The following ADAMTS19 variants were observed in gnomAD, a reference collection of about 807,000 sequenced individuals.
ADAMTS19 encodes A disintegrin and metalloproteinase with thrombospondin motifs 19.
ADAMTS19 carries 93 observed loss-of-function variants against 153.3 expected under a neutral mutation model. The observed-to-expected ratio is 0.61, with a 90% CI of 0.51 to 0.72. The LOEUF (loss-of-function observed/expected upper bound fraction) is 0.72. Ranked by LOEUF, ADAMTS19 falls within the 30% of genes least tolerant of loss-of-function variation. The probability of loss-of-function intolerance (pLI) is 0.00; values close to 1 mark genes in which losing one functional copy is unlikely to be tolerated. For synonymous variants in ADAMTS19, 600 were observed against 556.6 expected, an observed-to-expected ratio of 1.08 and a Z score of -1.10; for missense variants, 1,482 against 1,552.1, an observed-to-expected ratio of 0.95 and a Z score of 0.76.
intron 6 of ADAMTS19, among the ~76,000 whole-genome samples, chr5:129,530,014 A>G (rs73246878): frequency 0.019 from 2,865 of 152,206 alleles, 86 homozygotes; most frequent in African/African-American, 0.066. Flanking sequence ...GATTTTTGAT[A>G]GATCTCCCCT....
intron 10 of ADAMTS19, among the ~76,000 whole-genome samples, chr5:129,635,757 G>GA (rs1273187450): frequency 1.4e-3 from 215 of 152,156 alleles, no homozygotes; most frequent in African/African-American, 5.0e-3. Flanking sequence ...CTGGGAGGAG[G>GA]GAAAGGATCA....
chr5:129,691,505 A>G (rs544150116), intron 18 of ADAMTS19, among the ~76,000 whole-genome samples: 1 of 152,306 alleles, frequency 6.6e-6, no homozygotes, highest in Admixed American at 6.5e-5. Context: ...GTTGGCTGGG[A>G]CATTTAAATA....
intron 21 of ADAMTS19, among the ~76,000 whole-genome samples, chr5:129,725,305 G>A (rs1757161118): frequency 6.6e-6 from 1 of 152,070 alleles, no homozygotes; most frequent in African/African-American, 2.4e-5. Context: ...CATGCTTCTG[G>A]GGTCTTCCAT....
At chr5:129,729,084 T>C (rs749318408) in intron 21 of ADAMTS19, among the ~76,000 whole-genome samples, 4 of 152,058 alleles carry the variant, frequency 2.6e-5, no homozygotes, top group Non-Finnish European at 5.9e-5. Flanking sequence ...ATTTGGAGTT[T>C]TACTTTGATA....
chr5:129,508,145 A>C (rs1751324708), intron 2 of ADAMTS19, among the ~76,000 whole-genome samples: 1 of 151,970 alleles, frequency 6.6e-6, no homozygotes, highest in Admixed American at 6.6e-5. Context: ...TCAAAACAGA[A>C]TTAAGAACTT....
At chr5:129,599,325 ATAAT>A (rs1750530062) in intron 8 of ADAMTS19, among the ~76,000 whole-genome samples, 2 of 152,132 alleles carry the variant, frequency 1.3e-5, no homozygotes, top group South Asian at 2.1e-4. Flanking sequence ...AAAATTATTA[ATAAT>A]TAATTTTACA....
intron 2 of ADAMTS19, among the ~76,000 whole-genome samples, chr5:129,496,603 T>C (rs1750934564): frequency 6.6e-6 from 1 of 151,970 alleles, no homozygotes; most frequent in Admixed American, 6.6e-5. Context: ...AGGTCACCAG[T>C]AAGACCTGGC....
At chr5:129,725,505 A>G (rs1182437782) in intron 21 of ADAMTS19, among the ~76,000 whole-genome samples, 1 of 152,008 alleles carries the variant, frequency 6.6e-6, no homozygotes, top group Non-Finnish European at 1.5e-5. Flanking sequence ...TTTTCCTCTT[A>G]ATGCTTATGC....
chr5:129,687,246 T>A (rs1041904680), intron 18 of ADAMTS19, among the ~76,000 whole-genome samples: 1 of 151,948 alleles, frequency 6.6e-6, no homozygotes, highest in Admixed American at 6.6e-5. Context: ...AATGGAGGAG[T>A]AAAGTGATGG....
At chr5:129,659,412 G>A (rs1753728710) in intron 15 of ADAMTS19, among the ~76,000 whole-genome samples, 1 of 152,106 alleles carries the variant, frequency 6.6e-6, no homozygotes, top group Non-Finnish European at 1.5e-5. Context: ...ATCCCAAAAT[G>A]TGCTTTATGT....
intron 19 of ADAMTS19, among the ~76,000 whole-genome samples, chr5:129,695,106 C>T (rs1186630542): frequency 6.6e-6 from 1 of 152,094 alleles, no homozygotes; most frequent in African/African-American, 2.4e-5. Flanking sequence ...TATTTAAAAT[C>T]ATTTCATAAC....
chr5:129,601,146 A>C (rs1182933085), intron 8 of ADAMTS19, among the ~76,000 whole-genome samples: 1 of 152,192 alleles, frequency 6.6e-6, no homozygotes, highest in Admixed American at 6.5e-5. Flanking sequence ...GCTTGGGATT[A>C]CAGGCGTGAG....
At chr5:129,543,990 T>C (rs1445143834) in intron 6 of ADAMTS19, among the ~76,000 whole-genome samples, 1 of 152,200 alleles carries the variant, frequency 6.6e-6, no homozygotes, top group Non-Finnish European at 1.5e-5. Context: ...AGGTTATGTT[T>C]TATCTTCTCT....
In ADAMTS19 at chr5:129,557,316, G is replaced by A. The variant is rs549071424; in HGVS notation, c.1372+5409G>A. ...AATCAATTCTTTAAAAGCTACCCAT[G>A]GCCAAGCACAGTGGCTCCTGCCTGT... On this transcript the variant is annotated intron_variant, in intron 7 of 22. Coordinates refer to ENST00000274487, the MANE Select transcript of ADAMTS19 (RefSeq NM_133638.6). 2.8e-4 allele frequency among the ~76,000 whole-genome samples: 43 copies of A among 152,260 alleles called. No homozygotes were observed. The South Asian group carries it at 4.8e-3, about 17-fold the overall frequency.
At chr5:129,722,245 C>T (rs891485558) in intron 21 of ADAMTS19, among the ~76,000 whole-genome samples, 3 of 152,208 alleles carry the variant, frequency 2.0e-5, no homozygotes, top group Non-Finnish European at 2.9e-5. Context: ...TATTTCTCCA[C>T]AGCCTCACCA....
chr5:129,697,737 G>C (rs1334685788), intron 19 of ADAMTS19, among the ~76,000 whole-genome samples: 1 of 152,232 alleles, frequency 6.6e-6, no homozygotes, highest in Non-Finnish European at 1.5e-5. Flanking sequence ...CCTTGGCCCT[G>C]TCAGCTAAAG....
intron 21 of ADAMTS19, among the ~76,000 whole-genome samples, chr5:129,733,959 G>A (rs1289199122): frequency 6.6e-4 from 8 of 12,042 alleles, no homozygotes; most frequent in Non-Finnish European, 2.3e-3. Flanking sequence ...GTGTGTGTGT[G>A]TGTGTGTGTG....
intron 7 of ADAMTS19, among the ~76,000 whole-genome samples, chr5:129,578,659 G>A (rs1253894967): frequency 6.6e-6 from 1 of 151,734 alleles, no homozygotes; most frequent in Non-Finnish European, 1.5e-5. Flanking sequence ...TGTTCTCATT[G>A]TTCAATGCCC....
chr5:129,683,162 C>T (rs30640), intron 17 of ADAMTS19, among the ~76,000 whole-genome samples: 31,119 of 147,144 alleles, frequency 0.21, 3,615 homozygotes, highest in East Asian at 0.35. Context: ...TTGCTTGACA[C>T]ATTTTCTAAA....
Sources: allele counts gnomAD v4.1 joint callset (sites outside exome capture counted in the v4.1 genomes callset), GRCh38; gene constraint gnomAD v4.1.1; transcripts MANE v1.5; gene names NCBI Gene and HGNC (gene_info 2026-07-23, HGNC 2026-07-21).